Variants in HDAC4 observed in about 807,000 individuals in gnomAD.
HDAC4 encodes the protein histone deacetylase A.
HDAC4 carries 16 observed loss-of-function variants against 135.1 expected under a neutral mutation model. The observed-to-expected ratio is 0.12, with a 90% CI of 0.08 to 0.18. The LOEUF is 0.18. HDAC4 is among the 10% of genes least tolerant of loss of function. The pLI, the probability that HDAC4 is intolerant of heterozygous loss-of-function variation, is 1.00. For missense variants in HDAC4, 1,143 were observed against 1,511.8 expected, an observed-to-expected ratio of 0.76 and a Z score of 4.05; for synonymous variants, 685 against 653.4, an observed-to-expected ratio of 1.05 and a Z score of -0.74.
chr2:239,238,691 T>C (rs2048021623), intron 2 of HDAC4, among the ~76,000 whole-genome samples: 1 of 152,190 alleles, frequency 6.6e-6, no homozygotes, highest in African/African-American at 2.4e-5. Flanking sequence ...AAAAGGCGGA[T>C]CCCTCCAGCA....
intron 2 of HDAC4, among the ~76,000 whole-genome samples, chr2:239,283,197 T>C (rs1010828952): frequency 2.0e-5 from 3 of 152,154 alleles, no homozygotes; most frequent in Non-Finnish European, 4.4e-5. Context: ...ACCACGGGCC[T>C]GGCCCGCAGA....
intron 3 of HDAC4, among the ~76,000 whole-genome samples, chr2:239,213,204 T>G (rs958442163): frequency 2.3e-5 from 3 of 130,136 alleles, no homozygotes; most frequent in Admixed American, 7.8e-5. Context: ...AGCTCATCAG[T>G]CCCATAACAG....
At position 239,136,305 on chromosome 2, in the gene HDAC4, T is replaced by G. The variant is rs75014858; in HGVS notation, c.979-1662A>C. ...AGAAAATGCCATGTTTGTCTTTCTGTGCCTGGCTTAGTTCACTTAACATGA... is the reference window on the plus strand; with the variant it reads ...AGAAAATGCCATGTTTGTCTTTCTGGGCCTGGCTTAGTTCACTTAACATGA... On this transcript the variant is annotated intron_variant, in intron 9 of 26. Transcript: ENST00000543185. Among the ~76,000 whole-genome samples, 1,488 of 152,340 alleles carry G rather than the reference T, an allele frequency of 9.8e-3. 25 individuals are homozygous for G. The highest frequency in any genetic ancestry group is 0.034 in the African/African-American group (1,423 of 41,574).
intron 4 of HDAC4, among the ~76,000 whole-genome samples, chr2:239,183,392 G>A (rs2044277869): frequency 6.6e-6 from 1 of 152,352 alleles, no homozygotes; most frequent in East Asian, 1.9e-4. Flanking sequence ...TGCCGCGCCC[G>A]CATAAAGCGG....
chr2:239,182,949 A>G (rs1158964241), intron 4 of HDAC4, among the ~76,000 whole-genome samples: 1 of 152,214 alleles, frequency 6.6e-6, no homozygotes, highest in Non-Finnish European at 1.5e-5. Context: ...CAGGCTTCGA[A>G]AAACAGGACT....
At chr2:239,188,309 C>T (rs776462615) in intron 4 of HDAC4, among the ~76,000 whole-genome samples, 1 of 152,156 alleles carries the variant, frequency 6.6e-6, no homozygotes. Context: ...CTCCATTTCT[C>T]GACAGTGATT....
chr2:239,216,930 C>T, intron 3 of HDAC4, among the ~76,000 whole-genome samples: 1 of 152,230 alleles, frequency 6.6e-6, no homozygotes, highest in East Asian at 1.9e-4. Context: ...ATGACACAGT[C>T]CCTGGTTTGT....
At chr2:239,082,988 G>A (rs934879860) in intron 20 of HDAC4, among the ~76,000 whole-genome samples, 3 of 152,208 alleles carry the variant, frequency 2.0e-5, no homozygotes, top group South Asian at 2.1e-4. Flanking sequence ...TTGCTGCTCC[G>A]TTATCTGTGC....
At chr2:239,140,080 T>C (rs1465888212) in intron 8 of HDAC4, among the ~76,000 whole-genome samples, 1 of 152,174 alleles carries the variant, frequency 6.6e-6, no homozygotes, top group Non-Finnish European at 1.5e-5. Flanking sequence ...AAAAGATAAA[T>C]CCTTAAACAC....
intron 4 of HDAC4, among the ~76,000 whole-genome samples, chr2:239,177,175 AAC>A (rs2153002873): frequency 6.6e-6 from 1 of 152,322 alleles, no homozygotes; most frequent in East Asian, 1.9e-4. Flanking sequence ...TACACAAGAA[AAC>A]ACAGGTGAAC....
At chr2:239,319,948 G>A (rs532915728) in intron 2 of HDAC4, among the ~76,000 whole-genome samples, 1 of 152,264 alleles carries the variant, frequency 6.6e-6, no homozygotes, top group Non-Finnish European at 1.5e-5. Context: ...CCTTGTAGTG[G>A]TCTCTGTCTC....
At position 239,236,664 on chromosome 2, in the gene HDAC4, T is replaced by A. The variant is rs376289781; in HGVS notation, c.23A>T (p.Asp8Val). MSSQSHP[D>V]GLSGRDQPVE... ...TGGCTGGTCTCGGCCAGAAAGTCCA[T>A]CTGGAGAACAGAGAAGGCACTGGCT... Residue 8 changes from aspartate to valine, a missense_variant and splice_region_variant, in exon 3 of 27, where the codon GAT (aspartate) becomes GTT (valine). Physicochemically the swap from Asp to Val is radical, Grantham distance 152. Around this residue, in one of 9 missense-constraint regions of HDAC4, gnomAD observed 247 missense variants for 310.0 expected, o/e 0.80. Coordinates refer to ENST00000543185, the MANE Select transcript of HDAC4 (RefSeq NM_001378414.1). 1 of 1,551,480 alleles carries A rather than the reference T, an allele frequency of 6.4e-7. No homozygotes were observed. Among genetic ancestry groups the A allele is most frequent in the Non-Finnish European group, 8.7e-7 (1 of 1,146,812 alleles).
rs552364723 is a variant in HDAC4, at chr2:239,133,876, C to T, written c.1294+369G>A. On this transcript the variant is annotated intron_variant, in intron 11 of 26. Coordinates refer to ENST00000543185, the MANE Select transcript of HDAC4 (RefSeq NM_001378414.1). Reference sequence around the variant, plus strand: ...GTATTTTTCTAAATGTAACCACTCCCCCAGACAGTGCACATTTGTAAAAGT... The same window carrying T: ...GTATTTTTCTAAATGTAACCACTCCTCCAGACAGTGCACATTTGTAAAAGT... Among the ~76,000 whole-genome samples the T allele has an allele frequency of 3.9e-5, 6 of 152,330 alleles. No homozygotes were observed. The East Asian group carries it at 1.2e-3, about 29-fold the overall frequency.
At chr2:239,120,510 CACAG>C (rs1271201181) in intron 12 of HDAC4, among the ~76,000 whole-genome samples, 44 of 150,906 alleles carry the variant, frequency 2.9e-4, no homozygotes, top group Admixed American at 1.3e-4. Context: ...GGCACAGGCA[CACAG>C]AGACAAGGAG....
chr2:239,156,582 T>C, intron 7 of HDAC4, 70 bp downstream of exon 7: 2 of 1,603,840 alleles, frequency 1.2e-6, no homozygotes, highest in Non-Finnish European at 8.5e-7. Context: ...CGGTGGGCCC[T>C]GCGTGGCTTG....
intron 2 of HDAC4, among the ~76,000 whole-genome samples, chr2:239,294,168 C>T (rs1264834995): frequency 6.6e-6 from 1 of 152,182 alleles, no homozygotes; most frequent in Admixed American, 6.5e-5. Context: ...GTCACATTTA[C>T]GCTAAAACAG....
Position 239,199,387 on chromosome 2 carries a change from C to G in HDAC4, c.95-9310G>C, listed in dbSNP as rs2045612943. 2.0e-5 allele frequency among the ~76,000 whole-genome samples: 3 copies of G among 152,124 alleles called. 1 individual carries two copies. In the South Asian group the frequency reaches 6.2e-4, roughly 32 times the overall value. Reference sequence around the variant, plus strand: ...AAAAACAGAGCTCTTCGAGTCCCATCAGCCCCTCTCCATGTGTTAGCAGGA... The same window carrying G: ...AAAAACAGAGCTCTTCGAGTCCCATGAGCCCCTCTCCATGTGTTAGCAGGA... On this transcript the variant is annotated intron_variant, in intron 3 of 26. Transcript: ENST00000543185.
rs1231976823 is a variant in HDAC4, at chr2:239,400,698, G to GGGC, written c.-220+277_-220+279dup. ...GGGCCGGGGCTGCGCTTACCGCGGC[G>GGGC]GGCGGCGGCGGCCGGCTCTAGCCCT... On this transcript the variant is annotated intron_variant, in intron 1 of 26. Transcript: ENST00000543185. This position sits in a 1 kb window ranked among gnomAD's most constrained non-coding sequence, Gnocchi z 4.7. The GGGC allele has an allele frequency of 2.1e-5, 3 of 146,334 alleles. No individual in the cohort carries two copies. Among genetic ancestry groups the GGGC allele is most frequent in the Non-Finnish European group, 1.5e-5 (1 of 65,730 alleles). The allele number at this position is 146,334 out of a possible 1,614,324, so 9.1% of individuals were successfully genotyped here.
At chr2:239,385,944 G>A (rs1235685112) in intron 1 of HDAC4, among the ~76,000 whole-genome samples, 1 of 152,220 alleles carries the variant, frequency 6.6e-6, no homozygotes, top group Admixed American at 6.5e-5. Flanking sequence ...CAGAGGCCCA[G>A]GGACAGGAAA....
Sources: gnomAD v4.1 joint callset for allele counts (sites outside exome capture counted in the v4.1 genomes callset) on GRCh38, gnomAD v4.1.1 for gene constraint, gnomAD v4.1.1 regional missense constraint, Gnocchi (gnomAD v3.1) non-coding constraint, MANE v1.5 for transcripts, NCBI Gene and HGNC (gene_info 2026-07-23, HGNC 2026-07-21) for gene names.